NEK2: variants seen among roughly 807,000 people sequenced by gnomAD.
NEK2 encodes NIMA related kinase 2, also known as serine/threonine-protein kinase Nek2.
A neutral mutation model predicts 54.1 loss-of-function variants in NEK2; 28 were observed. The observed-to-expected ratio is 0.52, with a 90% confidence interval of 0.38 to 0.71. The LOEUF (loss-of-function observed/expected upper bound fraction) is 0.71, where lower values mean the gene tolerates loss of function less well. NEK2 is among the 30% of genes least tolerant of loss of function. The probability of loss-of-function intolerance (pLI) is 0.00; values close to 1 mark genes in which losing one functional copy is unlikely to be tolerated. For missense variants in NEK2, 407 were observed against 531.5 expected (o/e 0.77, Z 2.30); for synonymous variants, 176 against 193.1 (o/e 0.91, Z 0.73).
chr1:211,669,369 A>G (rs764876915), intron 5 of NEK2, 37 bp from the exon 6 acceptor site: 33 of 1,560,944 alleles, frequency 2.1e-5, no homozygotes, highest in South Asian at 5.6e-5. Context: ...GTCAGATTGC[A>G]TAACAGAATA....
downstream of NEK2, chr1:211,661,229 ATC>A: frequency 9.9e-6 from 7 of 704,192 alleles, no homozygotes; most frequent in South Asian, 9.6e-5. Context: ...GGGCATAAGC[ATC>A]TGATTTTTGA....
chr1:211,670,542 T>TCTTATATA, intron 4 of NEK2, 135 bp from the exon 5 acceptor site: 1 of 1,051,562 alleles, frequency 9.5e-7, no homozygotes, highest in Non-Finnish European at 1.4e-6. Context: ...GGGATTTTCT[T>TCTTATATA]CTTATAAGTA....
At chr1:211,660,812 A>C, downstream of NEK2, 1 of 703,896 alleles carries the variant, frequency 1.4e-6, no homozygotes, top group Non-Finnish European at 2.7e-6. Context: ...GGCTGCTCCC[A>C]ACAACAGAGC....
rs143249148 is a variant in NEK2 at position 211,669,267 on chromosome 1, G to T, written c.831C>A (p.Asp277Glu). Residue 277 changes from aspartate (D) to glutamate (E), a missense_variant, in exon 6 of 8, where the codon GAC becomes GAA. Transcript: ENST00000366999. ...TTCTCTCAAGATTTCTTCTTTGCTC[G>T]TCTGCAACCAAATCTGCTATTAAAG... ...ENPLIADLVA[D>E]EQRRNLERRG... is the part of the protein sequence containing the mutation. 8.2e-5 allele frequency: 133 copies of T among 1,614,036 alleles called. No homozygotes were observed. The African/African-American group carries it at 1.6e-3, about 19-fold the overall frequency.
chr1:211,664,558 G>A (rs1431358812), intron 7 of NEK2, among the ~76,000 whole-genome samples: 2 of 152,140 alleles, frequency 1.3e-5, no homozygotes, highest in African/African-American at 4.8e-5. Flanking sequence ...ATGATACAAA[G>A]CCTCATACAG....
downstream of NEK2, among the ~76,000 whole-genome samples, chr1:211,659,744 C>T (rs1257623128): frequency 6.6e-6 from 1 of 152,090 alleles, no homozygotes; most frequent in Non-Finnish European, 1.5e-5. Flanking sequence ...GAAGGAATTC[C>T]AAGGCAGGCG....
chr1:211,660,761 AG>A (rs1449083215), downstream of NEK2: 7 of 690,940 alleles, frequency 1.0e-5, no homozygotes, highest in Non-Finnish European at 1.6e-5. Context: ...TCAGTCTGAT[AG>A]GAACTCTGCA....
rs541416131 is a variant in NEK2 at position 211,668,573 on chromosome 1, G to A, written c.985+540C>T. Among the ~76,000 whole-genome samples, 26 of 152,060 alleles carry A rather than the reference G, an allele frequency of 1.7e-4. No homozygotes were observed. The South Asian group carries it at 5.4e-3, about 32-fold the overall frequency. On this transcript the variant is annotated intron_variant, in intron 6 of 7. Coordinates refer to ENST00000366999, the MANE Select transcript of NEK2 (RefSeq NM_002497.4). The stretch of plus-strand genomic sequence containing the variant: ...AAGATGGGAGGATCACTTGAGCTCA[G>A]GAGTTCAAGACCAGCCTGGGTAATA...
At chr1:211,660,221 GC>G, downstream of NEK2, 1 of 326,568 alleles carries the variant, frequency 3.1e-6, no homozygotes. Context: ...TTGCACGCCA[GC>G]CCCAGAAAGA....
intron 1 of NEK2, among the ~76,000 whole-genome samples, chr1:211,674,742 G>A (rs769338514): frequency 6.6e-6 from 1 of 152,142 alleles, no homozygotes; most frequent in Non-Finnish European, 1.5e-5. Context: ...TGAGGCACAT[G>A]AGGACTCCCC....
chr1:211,670,242 C>G (rs1655328505), intron 5 of NEK2, 39 bp downstream of exon 5: 1 of 1,575,284 alleles, frequency 6.3e-7, no homozygotes. Context: ...ACTTAACTGA[C>G]AGCTAGAAAC....
In NEK2 at chr1:211,663,100, T is replaced by C; in HGVS notation, c.*326A>G. On this transcript the variant is annotated 3_prime_UTR_variant, in exon 8 of 8. Coordinates refer to ENST00000366999, the MANE Select transcript of NEK2 (RefSeq NM_002497.4). ...GTGAGTGCTACTCTTCCTGCATAAA[T>C]ATTTTTTTCCTAACATTATTTTTTC... 9.4e-7 allele frequency: 1 copy of C among 1,066,582 alleles called. No homozygotes were observed. The highest frequency in any genetic ancestry group is 1.1e-6 in the Non-Finnish European group (1 of 879,554). The allele number at this position is 1,066,582 out of a possible 1,614,324, so 66.1% of individuals were successfully genotyped here. A position where few individuals can be genotyped will look rare whatever the true frequency, so the allele number is the denominator to read the frequency against.
intron 7 of NEK2, among the ~76,000 whole-genome samples, chr1:211,664,700 G>C (rs1238860752): frequency 1.3e-5 from 2 of 152,364 alleles, no homozygotes. Context: ...CGTCGCTTCT[G>C]CTTCAAAGCA....
rs116379865 is a variant in NEK2, at chr1:211,666,272, A to C, written c.1111+834T>G. The stretch of plus-strand genomic sequence containing the variant: ...AAATAAAGAAGGAAATGCAGAGAAC[A>C]TATGTAGATATTAAACAATCAAATT... On this transcript the variant is annotated intron_variant, in intron 7 of 7. Transcript: ENST00000366999. 3.7e-3 allele frequency among the ~76,000 whole-genome samples: 563 copies of C among 152,358 alleles called. 3 individuals are homozygous for C. Among genetic ancestry groups the C allele is most frequent in the Non-Finnish European group, 6.9e-3 (468 of 68,036 alleles).
chr1:211,672,212 A>C (rs1655413107), intron 3 of NEK2, among the ~76,000 whole-genome samples: 1 of 152,258 alleles, frequency 6.6e-6, no homozygotes. Flanking sequence ...TTATATACTA[A>C]CACATTAGTG....
At chr1:211,674,580 A>T in intron 1 of NEK2, 67 bp from the exon 2 acceptor site, 1 of 1,195,058 alleles carries the variant, frequency 8.4e-7, no homozygotes, top group Non-Finnish European at 1.2e-6. Context: ...GAAAGTTCCA[A>T]GATTTAACAA....
Position 211,667,200 on chromosome 1 carries a change from T to C in NEK2, c.1017A>G (p.Arg339=). ...CTCTAGCCAGTTTGTCCTCTGCTAG[T>C]CTCTCACGAACACAAAGCTCCTGTT... ...QKEQELCVRE[R]LAEDKLARAE... Residue 339 remains arginine, a synonymous_variant, in exon 7 of 8, where the codon AGA becomes AGG. Coordinates refer to ENST00000366999, the MANE Select transcript of NEK2 (RefSeq NM_002497.4). 6.2e-7 allele frequency: 1 copy of C among 1,611,200 alleles called. No individual in the cohort carries two copies. Among genetic ancestry groups the C allele is most frequent in the South Asian group, 1.1e-5 (1 of 90,652 alleles).
intron 4 of NEK2, 101 bp from the exon 5 acceptor site, chr1:211,670,508 G>A: frequency 7.6e-7 from 1 of 1,315,350 alleles, no homozygotes; most frequent in East Asian, 2.3e-5. Flanking sequence ...TTAAGCTCCA[G>A]TTTGTATTTA....
chr1:211,669,641 T>G, intron 5 of NEK2: 1 of 343,422 alleles, frequency 2.9e-6, no homozygotes, highest in Non-Finnish European at 5.4e-6. Flanking sequence ...CTAGGGTCTG[T>G]TTTAGGGGAA....
Sources: allele counts gnomAD v4.1 joint callset (sites outside exome capture counted in the v4.1 genomes callset), GRCh38; gene constraint gnomAD v4.1.1; transcripts MANE v1.5; gene names NCBI Gene and HGNC (gene_info 2026-07-23, HGNC 2026-07-21).